Variants in RALGPS1 observed in about 807,000 individuals in gnomAD.
The protein encoded by RALGPS1 is Ral GEF with PH domain and SH3 binding motif 1, also known as ras-specific guanine nucleotide-releasing factor RalGPS1.
RALGPS1 carries 19 observed loss-of-function variants against 78.8 expected under a neutral mutation model. The observed-to-expected ratio is 0.24, with a 90% CI of 0.17 to 0.35. The LOEUF is 0.35. RALGPS1 is among the 10% of genes least tolerant of loss of function. The pLI, the probability that RALGPS1 is intolerant of heterozygous loss-of-function variation, is 1.00. For missense variants in RALGPS1, 454 were observed against 688.3 expected (o/e 0.66, Z 3.81); for synonymous variants, 228 against 256.3 (o/e 0.89, Z 1.06).
At chr9:127,145,122 T>A (rs1454174089) in intron 8 of RALGPS1, among the ~76,000 whole-genome samples, 1 of 152,154 alleles carries the variant, frequency 6.6e-6, no homozygotes, top group South Asian at 2.1e-4. Flanking sequence ...GCCCTGACAC[T>A]CCAGCTGGGT....
chr9:127,107,922 C>T (rs2137078917), intron 8 of RALGPS1: 1 of 1,530,620 alleles, frequency 6.5e-7, no homozygotes. Context: ...TACCCGACGG[C>T]TTGTCGGTGG....
chr9:127,043,071 A>G (rs1210102327), intron 5 of RALGPS1, among the ~76,000 whole-genome samples: 2 of 152,246 alleles, frequency 1.3e-5, no homozygotes, highest in African/African-American at 4.8e-5. Context: ...GGAAGACTCA[A>G]TACTGTTAAG....
intron 1 of RALGPS1, among the ~76,000 whole-genome samples, chr9:126,955,232 G>T (rs190998134): frequency 6.6e-6 from 1 of 152,256 alleles, no homozygotes; most frequent in Non-Finnish European, 1.5e-5. Flanking sequence ...TAAGTTCCGT[G>T]GCAGCAGGGA....
chr9:127,181,822 G>A (rs1417111776), intron 11 of RALGPS1, among the ~76,000 whole-genome samples: 1 of 151,824 alleles, frequency 6.6e-6, no homozygotes, highest in African/African-American at 2.4e-5. Context: ...GCCACATCCA[G>A]GCAAGGAGTT....
intron 7 of RALGPS1, among the ~76,000 whole-genome samples, chr9:127,055,935 A>G (rs2048705779): frequency 6.6e-6 from 1 of 152,150 alleles, no homozygotes; most frequent in South Asian, 2.1e-4. Context: ...GCTGGAGTGC[A>G]GCAGAAAGAG....
At chr9:127,112,490 G>A (rs1393186693) in intron 8 of RALGPS1, among the ~76,000 whole-genome samples, 1 of 152,238 alleles carries the variant, frequency 6.6e-6, no homozygotes, top group Non-Finnish European at 1.5e-5. Context: ...GAGGCAACCT[G>A]GCTGCAAGAC....
At position 127,005,322 on chromosome 9, in the gene RALGPS1, C is replaced by A. The variant is rs570736904; in HGVS notation, c.216+27577C>A. On this transcript the variant is annotated intron_variant, in intron 4 of 18. Coordinates refer to ENST00000259351, the MANE Select transcript of RALGPS1 (RefSeq NM_014636.3). ...TCAGTCTTCAGAATGGCAAACAGTT[C>A]CTTTGCCAAGCTAAATTTTGACTGA... is the stretch of plus-strand genomic sequence containing the variant. Among the ~76,000 whole-genome samples the A allele has an allele frequency of 5.3e-5, 8 of 152,328 alleles. No individual in the cohort carries two copies. In the South Asian group the frequency reaches 1.2e-3, roughly 24 times the overall value.
intron 8 of RALGPS1, among the ~76,000 whole-genome samples, chr9:127,075,400 A>G (rs2050588765): frequency 6.6e-6 from 1 of 152,250 alleles, no homozygotes; most frequent in Non-Finnish European, 1.5e-5. Flanking sequence ...TTTGCTTAAA[A>G]AAGAATGAAG....
At chr9:127,162,461 C>G (rs538879089) in intron 8 of RALGPS1, among the ~76,000 whole-genome samples, 2 of 152,308 alleles carry the variant, frequency 1.3e-5, no homozygotes, top group African/African-American at 4.8e-5. Context: ...GCAGCGTTAA[C>G]TGTAGGAGAC....
chr9:126,944,263 T>C (rs2037048404), intron 1 of RALGPS1, among the ~76,000 whole-genome samples: 1 of 152,196 alleles, frequency 6.6e-6, no homozygotes, highest in African/African-American at 2.4e-5. Context: ...AGGCCTTGAA[T>C]AGGTGATGAT....
At chr9:127,118,571 T>C (rs539563609) in intron 8 of RALGPS1, among the ~76,000 whole-genome samples, 14 of 152,336 alleles carry the variant, frequency 9.2e-5, no homozygotes, top group South Asian at 6.2e-4. Flanking sequence ...GGAGAGACCG[T>C]GGGAGAGGTG....
chr9:127,123,034 G>A (rs115976126), intron 8 of RALGPS1, among the ~76,000 whole-genome samples: 352 of 152,360 alleles, frequency 2.3e-3, no homozygotes, highest in African/African-American at 8.0e-3. Flanking sequence ...GCGTGCAGCC[G>A]CGTGCGAGCA....
intron 8 of RALGPS1, chr9:127,108,144 G>T: frequency 6.2e-7 from 1 of 1,614,096 alleles, no homozygotes; most frequent in South Asian, 1.1e-5. Context: ...GCTGCGCGAT[G>T]ATCTCTGATT....
chr9:127,159,856 T>G (rs2139393052), intron 8 of RALGPS1, among the ~76,000 whole-genome samples: 1 of 152,324 alleles, frequency 6.6e-6, no homozygotes, highest in East Asian at 1.9e-4. Context: ...ATACTGAAGT[T>G]TGAAAGTGAT....
intron 7 of RALGPS1, among the ~76,000 whole-genome samples, chr9:127,055,266 T>A (rs1018116270): frequency 6.6e-6 from 1 of 151,828 alleles, no homozygotes; most frequent in Non-Finnish European, 1.5e-5. Context: ...GTCACCCAGC[T>A]GGAGTGCAGT....
intron 6 of RALGPS1, among the ~76,000 whole-genome samples, chr9:127,052,644 C>A (rs546627338): frequency 6.6e-6 from 1 of 152,190 alleles, no homozygotes; most frequent in African/African-American, 2.4e-5. Flanking sequence ...GTCAGACTCA[C>A]GTTTTAGATG....
At chr9:127,040,328 G>A (rs1418659203) in intron 5 of RALGPS1, among the ~76,000 whole-genome samples, 2 of 151,072 alleles carry the variant, frequency 1.3e-5, no homozygotes, top group Non-Finnish European at 1.5e-5. Flanking sequence ...TTGCACTCGA[G>A]GGGGCGGAGG....
At position 127,093,103 on chromosome 9, in the gene RALGPS1, G is replaced by A. The variant is rs143188707; in HGVS notation, c.610+23747G>A. Among the ~76,000 whole-genome samples, 148 of 152,246 alleles carry A rather than the reference G, an allele frequency of 9.7e-4. 3 individuals carry two copies. The highest frequency in any genetic ancestry group is 3.5e-3 in the African/African-American group (144 of 41,536). Reference sequence around the variant, plus strand: ...AAAGCCCTTAGCATGGTGCTGGCACGGGTTGGGCACTCAGCAAACAGAGCC... The same window carrying A: ...AAAGCCCTTAGCATGGTGCTGGCACAGGTTGGGCACTCAGCAAACAGAGCC... On this transcript the variant is annotated intron_variant, in intron 8 of 18. Coordinates refer to ENST00000259351, the MANE Select transcript of RALGPS1 (RefSeq NM_014636.3).
intron 8 of RALGPS1, among the ~76,000 whole-genome samples, chr9:127,151,704 G>T (rs1442727377): frequency 6.6e-6 from 1 of 152,072 alleles, no homozygotes; most frequent in Admixed American, 6.6e-5. Flanking sequence ...AGCCAGAATG[G>T]GTCTAGGAAT....
Sources: gnomAD v4.1 joint callset for allele counts (sites outside exome capture counted in the v4.1 genomes callset) on GRCh38, gnomAD v4.1.1 for gene constraint, MANE v1.5 for transcripts, NCBI Gene and HGNC (gene_info 2026-07-23, HGNC 2026-07-21) for gene names.